The following ADGRB2 variants were observed in gnomAD, a reference collection of about 807,000 sequenced individuals.
ADGRB2 encodes brain-specific angiogenesis inhibitor 2.
A neutral mutation model predicts 178.7 loss-of-function variants in ADGRB2; 47 were observed. The ratio of observed to expected loss-of-function variants is 0.26; its 90% confidence interval spans 0.21 to 0.34. The LOEUF (loss-of-function observed/expected upper bound fraction) is 0.34. Ranked by LOEUF, ADGRB2 falls within the 10% of genes least tolerant of loss-of-function variation. The pLI is 1.00. For missense variants in ADGRB2, 1,584 were observed against 2,180.8 expected, an observed-to-expected ratio of 0.73 and a Z score of 5.45; for synonymous variants, 870 against 912.4, an observed-to-expected ratio of 0.95 and a Z score of 0.84.
At position 31,733,023 on chromosome 1, in the gene ADGRB2, G is replaced by A; in HGVS notation, c.3573C>T (p.Asn1191=). ...VLFQALFAVF[N]SAQGFVITAV... ...CAGTGATGACAAAGCCCTGCGCGGAGTTGAAGACAGCAAAGAGGGCCTGGA... is the reference window on the plus strand; with the variant it reads ...CAGTGATGACAAAGCCCTGCGCGGAATTGAAGACAGCAAAGAGGGCCTGGA... Residue 1191 remains asparagine (N), a synonymous_variant, in exon 26 of 33, where the codon AAC becomes AAT. Coordinates refer to ENST00000373658, the MANE Select transcript of ADGRB2 (RefSeq NM_001364857.2). This position sits in a 1 kb window ranked among gnomAD's most constrained non-coding sequence, Gnocchi z 4.3. The A allele has an allele frequency of 1.3e-6, 2 of 1,571,760 alleles. No homozygotes were observed. Among genetic ancestry groups the A allele is most frequent in the Non-Finnish European group, 1.7e-6 (2 of 1,158,754 alleles).
chr1:31,735,403 G>C lies in ADGRB2; in HGVS notation c.3354-122C>G, dbSNP rs1645535924. The C allele has an allele frequency of 8.3e-7, 1 of 1,198,304 alleles. No individual in the cohort carries two copies. The highest frequency in any genetic ancestry group is 1.3e-5 in the South Asian group (1 of 76,972). The allele number at this position is 1,198,304 out of a possible 1,614,324, so 74.2% of individuals were successfully genotyped here. A position where few individuals can be genotyped will look rare whatever the true frequency, so the allele number is the denominator to read the frequency against. On this transcript the variant is annotated intron_variant, in intron 24 of 32. Transcript: ENST00000373658. This position sits in a 1 kb window ranked among gnomAD's most constrained non-coding sequence, Gnocchi z 6.0. ...AGACGAGAGAGAGAGAGCTGGGTTA[G>C]GGTGGGTGAGGGGCTGCGGCTGAGC...
chr1:31,730,771 C>A (rs1201260744), intron 29 of ADGRB2, 29 bp downstream of exon 29: 2 of 1,472,520 alleles, frequency 1.4e-6, no homozygotes, highest in African/African-American at 2.8e-5. Flanking sequence ...CAGTCTCAGA[C>A]ACACACCCCA....
At position 31,737,510 on chromosome 1, in the gene ADGRB2, G is replaced by A. The variant is rs764541214; in HGVS notation, c.2898C>T (p.Ser966=). 6.2e-7 allele frequency: 1 copy of A among 1,614,160 alleles called. No individual in the cohort carries two copies. Among genetic ancestry groups the A allele is most frequent in the Non-Finnish European group, 8.5e-7 (1 of 1,180,016 alleles). Residue 966 remains serine, a synonymous_variant, in exon 20 of 33, where the codon TCC becomes TCT. Coordinates refer to ENST00000373658, the MANE Select transcript of ADGRB2 (RefSeq NM_001364857.2). The stretch of plus-strand genomic sequence containing the variant: ...ACAGGCAGAAGTTCAGCAAGATGAT[G>A]GAGCGTTCAGATTTTATGAACCTGC... ...AFWRFIKSER[S]IILLNFCLSI...
Position 31,757,213 on chromosome 1 carries a change from A to T in ADGRB2, c.9T>A (p.Asn3Lys), listed in dbSNP as rs576855418. 1.2e-6 allele frequency: 2 copies of T among 1,614,050 alleles called. No individual in the cohort carries two copies. The highest frequency in any genetic ancestry group is 1.7e-6 in the Non-Finnish European group (2 of 1,180,014). The change falls in exon 3 of 33, where the codon AAT becomes AAA. Residue 3 changes from asparagine to lysine, a missense_variant. By Grantham distance (94) the Asn-to-Lys change is moderately conservative (BLOSUM62 0). Coordinates refer to ENST00000373658, the MANE Select transcript of ADGRB2 (RefSeq NM_001364857.2). ME[N>K]TGWMGKGHRM... The stretch of plus-strand genomic sequence containing the variant: ...GCCCCAGCCTCACCATCCAACCTGT[A>T]TTCTCCATAACTCTTGCTCTCCATC...
Position 31,740,238 on chromosome 1 carries a change from C to T in ADGRB2, c.1990-60G>A. 1 of 1,610,512 alleles carries T rather than the reference C, an allele frequency of 6.2e-7. No homozygotes were observed. Among genetic ancestry groups the T allele is most frequent in the Non-Finnish European group, 8.5e-7 (1 of 1,177,936 alleles). On this transcript the variant is annotated intron_variant, in intron 12 of 32. Coordinates refer to ENST00000373658, the MANE Select transcript of ADGRB2 (RefSeq NM_001364857.2). The surrounding 1 kb of genome is among the most constrained non-coding windows in gnomAD (Gnocchi z 5.9). ...GCCCCAGGGAACAGGGGGCTTCCCC[C>T]ACTATAGCCACACTTGCCGCCTCTA...
At chr1:31,749,939 A>C (rs912998651) in intron 4 of ADGRB2, among the ~76,000 whole-genome samples, 3 of 151,276 alleles carry the variant, frequency 2.0e-5, no homozygotes, top group African/African-American at 7.3e-5. Context: ...GAGAGAGAGA[A>C]AGAAAGAAAG....
chr1:31,745,019 G>A (rs2148984392), intron 4 of ADGRB2, among the ~76,000 whole-genome samples: 1 of 152,346 alleles, frequency 6.6e-6, no homozygotes, highest in African/African-American at 2.4e-5. Flanking sequence ...CTGCCCATAT[G>A]AAAGAGCTCT....
At position 31,763,294 on chromosome 1, in the gene ADGRB2, G is replaced by T. The variant is rs141716519; in HGVS notation, c.-191+590C>A. On this transcript the variant is annotated intron_variant, in intron 1 of 32. Transcript: ENST00000373658. ...GGGAAGGCGGGACTCCGGTCAGATA[G>T]ATATGGGGGAGGGGGCGCTAGGGGC... Among the ~76,000 whole-genome samples, 667 of 150,802 alleles carry T rather than the reference G, an allele frequency of 4.4e-3. 2 individuals carry two copies. The highest frequency in any genetic ancestry group is 7.3e-3 in the Non-Finnish European group (492 of 67,648).
Position 31,737,551 on chromosome 1 carries a change from A to G in ADGRB2, c.2877-20T>C. Reference sequence around the variant, plus strand: ...ATGAACCTGCCGGGGCACAGCAGGCAGGGACAGAGGCGCTGGCTGCCCCAT... The same window carrying G: ...ATGAACCTGCCGGGGCACAGCAGGCGGGGACAGAGGCGCTGGCTGCCCCAT... On this transcript the variant is annotated intron_variant, in intron 19 of 32. Transcript: ENST00000373658. 1 of 1,613,180 alleles carries G rather than the reference A, an allele frequency of 6.2e-7. No homozygotes were observed. Among genetic ancestry groups the G allele is most frequent in the Admixed American group, 1.7e-5 (1 of 60,018 alleles).
Position 31,744,834 on chromosome 1 carries a change from G to T in ADGRB2, c.839-103C>A. On this transcript the variant is annotated intron_variant, in intron 4 of 32. Transcript: ENST00000373658. The surrounding 1 kb of genome is among the most constrained non-coding windows in gnomAD (Gnocchi z 6.7). ...TCCTTGCCCTCCGCCTGAGGGCCTG[G>T]AACCAACTGCATGATGCTCTCTCAG... The T allele has an allele frequency of 9.4e-7, 1 of 1,066,748 alleles. No homozygotes were observed. Among genetic ancestry groups the T allele is most frequent in the Non-Finnish European group, 1.4e-6 (1 of 697,732 alleles). The allele number at this position is 1,066,748 out of a possible 1,614,324, so 66.1% of individuals were successfully genotyped here.
chr1:31,728,449 G>T lies in ADGRB2; in HGVS notation c.4416+149C>A. Reference sequence around the variant, plus strand: ...GGTGCTATGGGCTTGGGCAGGGAGGGAATCATGGGAAGATCCCACGGAACC... The same window carrying T: ...GGTGCTATGGGCTTGGGCAGGGAGGTAATCATGGGAAGATCCCACGGAACC... On this transcript the variant is annotated intron_variant, in intron 30 of 32. Coordinates refer to ENST00000373658, the MANE Select transcript of ADGRB2 (RefSeq NM_001364857.2). This position sits in a 1 kb window ranked among gnomAD's most constrained non-coding sequence, Gnocchi z 6.7. 1.5e-6 allele frequency: 2 copies of T among 1,377,726 alleles called. No individual in the cohort carries two copies. Among genetic ancestry groups the T allele is most frequent in the South Asian group, 1.2e-5 (1 of 84,222 alleles). The allele number at this position is 1,377,726 out of a possible 1,614,324, so 85.3% of individuals were successfully genotyped here. A position where few individuals can be genotyped will look rare whatever the true frequency, so the allele number is the denominator to read the frequency against.
Position 31,731,246 on chromosome 1 carries a change from G to A in ADGRB2, c.3934C>T (p.Leu1312=). 6.2e-7 allele frequency: 1 copy of A among 1,608,330 alleles called. No homozygotes were observed. The highest frequency in any genetic ancestry group is 8.5e-7 in the Non-Finnish European group (1 of 1,177,996). Residue 1312 remains leucine (L), a synonymous_variant, in exon 29 of 33, where the codon CTG becomes TTG. Coordinates refer to ENST00000373658, the MANE Select transcript of ADGRB2 (RefSeq NM_001364857.2). The part of the protein sequence containing the change: ...ILVPMAASPG[L]GEPPPPQEAN... Reference sequence around the variant, plus strand: ...TCCTGTGGGGGCGGAGGCTCCCCCAGCCCTGGTGAGGCTGCCATGGGCACC... The same window carrying A: ...TCCTGTGGGGGCGGAGGCTCCCCCAACCCTGGTGAGGCTGCCATGGGCACC...
rs1408586168 is a variant in ADGRB2, at chr1:31,731,050, C to T, written c.4130G>A (p.Arg1377Gln). ...AGCTCGCCGGGGGGTCCCCTCCGGC[C>T]GGGCCCTGGGGGCATCCTCACCACC... ...GGGGEDAPRA[R>Q]PEGTPRRAAK... The change falls in exon 29 of 33, where the codon CGG becomes CAG. Residue 1377 changes from arginine (R) to glutamine (Q), a missense_variant. Physicochemically the swap from Arg to Gln is conservative, Grantham distance 43. Coordinates refer to ENST00000373658, the MANE Select transcript of ADGRB2 (RefSeq NM_001364857.2). The T allele has an allele frequency of 8.2e-6, 13 of 1,583,760 alleles. No individual in the cohort carries two copies. The highest frequency in any genetic ancestry group is 1.7e-4 in the Middle Eastern group (1 of 5,970).
At chr1:31,746,005 C>T (rs1278155686) in intron 4 of ADGRB2, among the ~76,000 whole-genome samples, 2 of 152,226 alleles carry the variant, frequency 1.3e-5, no homozygotes, top group Non-Finnish European at 2.9e-5. Context: ...CCTGAAATTT[C>T]TCCATCTCTG....
rs1242021918 is a variant in ADGRB2, at chr1:31,727,991, C to A, written c.4572+34G>T. The A allele has an allele frequency of 6.5e-7, 1 of 1,530,200 alleles. No homozygotes were observed. 94.8% of individuals were successfully genotyped at this position (1,530,200 alleles called of 1,614,324 possible). A position where few individuals can be genotyped will look rare whatever the true frequency, so the allele number is the denominator to read the frequency against. On this transcript the variant is annotated intron_variant, in intron 32 of 32. Transcript: ENST00000373658. The surrounding 1 kb of genome is among the most constrained non-coding windows in gnomAD (Gnocchi z 4.4). ...GCAGGGAGGGCACGGGTCCCTCAGG[C>A]CCACCTCACCCCACCCAGCCCGGGG...
In ADGRB2 at chr1:31,728,170, A is replaced by G. The variant is rs1208322319; in HGVS notation, c.4515+12T>C. 1.4e-5 allele frequency: 22 copies of G among 1,613,988 alleles called. No homozygotes were observed. Among genetic ancestry groups the G allele is most frequent in the Non-Finnish European group, 1.9e-5 (22 of 1,180,008 alleles). On this transcript the variant is annotated intron_variant, in intron 31 of 32. Coordinates refer to ENST00000373658, the MANE Select transcript of ADGRB2 (RefSeq NM_001364857.2). This position sits in a 1 kb window ranked among gnomAD's most constrained non-coding sequence, Gnocchi z 6.7. Reference sequence around the variant, plus strand: ...GCTTCAGGGCAGGGGCAGCCACGGGAGGAGCCCTCACCTTGGCCGTGGACT... The same window carrying G: ...GCTTCAGGGCAGGGGCAGCCACGGGGGGAGCCCTCACCTTGGCCGTGGACT...
Position 31,728,706 on chromosome 1 carries a change from G to A in ADGRB2, c.4381-73C>T, listed in dbSNP as rs2148871464. Reference sequence around the variant, plus strand: ...CCACCGGCAGGGGCTTTAGAGACAGGAAGCCTGGCATCCCAGGGGTCTGCC... The same window carrying A: ...CCACCGGCAGGGGCTTTAGAGACAGAAAGCCTGGCATCCCAGGGGTCTGCC... On this transcript the variant is annotated intron_variant, in intron 29 of 32. Coordinates refer to ENST00000373658, the MANE Select transcript of ADGRB2 (RefSeq NM_001364857.2). The surrounding 1 kb of genome is among the most constrained non-coding windows in gnomAD (Gnocchi z 6.7). 1.3e-6 allele frequency: 2 copies of A among 1,575,722 alleles called. No homozygotes were observed. Among genetic ancestry groups the A allele is most frequent in the South Asian group, 1.1e-5 (1 of 90,194 alleles).
In ADGRB2 at chr1:31,740,308, C is replaced by A. The variant is rs778178477; in HGVS notation, c.1989+39G>T. Reference sequence around the variant, plus strand: ...GCCTGGCCTCCCGCTTCAGTTTGGGCCTTCTCCACCCTCCGCCCTCCTTCC... The same window carrying A: ...GCCTGGCCTCCCGCTTCAGTTTGGGACTTCTCCACCCTCCGCCCTCCTTCC... On this transcript the variant is annotated intron_variant, in intron 12 of 32. Coordinates refer to ENST00000373658, the MANE Select transcript of ADGRB2 (RefSeq NM_001364857.2). The surrounding 1 kb of genome is among the most constrained non-coding windows in gnomAD (Gnocchi z 5.9). The A allele has an allele frequency of 1.2e-6, 2 of 1,604,832 alleles. No homozygotes were observed. The highest frequency in any genetic ancestry group is 1.7e-6 in the Non-Finnish European group (2 of 1,174,022).
rs1289362916 is a variant in ADGRB2, at chr1:31,740,094, C to T, written c.2058+16G>A. 1 of 1,614,146 alleles carries T rather than the reference C, an allele frequency of 6.2e-7. No individual in the cohort carries two copies. The highest frequency in any genetic ancestry group is 1.7e-5 in the Admixed American group (1 of 60,026). On this transcript the variant is annotated intron_variant, in intron 13 of 32. Transcript: ENST00000373658. This position sits in a 1 kb window ranked among gnomAD's most constrained non-coding sequence, Gnocchi z 5.9. ...GGTGGGTCACGGGAGGAGAAGCTGG[C>T]AGCTGTGCCCCGCACCTGCTGAGCA...
Sources: allele counts gnomAD v4.1 joint callset (sites outside exome capture counted in the v4.1 genomes callset), GRCh38; gene constraint gnomAD v4.1.1; non-coding constraint Gnocchi (gnomAD v3.1); transcripts MANE v1.5; gene names NCBI Gene and HGNC (gene_info 2026-07-23, HGNC 2026-07-21).